Variants in KLHL13 observed in about 807,000 individuals in gnomAD.
KLHL13 encodes kelch-like protein 13.
A neutral mutation model predicts 37.1 loss-of-function variants in KLHL13; 10 were observed. The observed-to-expected ratio is 0.27, with a 90% CI of 0.17 to 0.46. KLHL13 has a LOEUF of 0.46. Among genes scored for constraint, KLHL13 ranks in the 20% least tolerant of loss-of-function variants. KLHL13 has a pLI of 1.00. For synonymous variants in KLHL13, 163 were observed against 181.2 expected, an observed-to-expected ratio of 0.90 and a Z score of 0.81; for missense variants, 360 against 509.3, an observed-to-expected ratio of 0.71 and a Z score of 2.82.
At chrX:117,979,984 C>T (rs1220788182) in intron 1 of KLHL13, among the ~76,000 whole-genome samples, 1 of 111,704 alleles carries the variant, frequency 9.0e-6, no homozygotes, top group Non-Finnish European at 1.9e-5. Flanking sequence ...AAATAAAAAG[C>T]CACTTAAAAT....
chrX:118,073,037 C>CCCTG (rs1388126305), intron 1 of KLHL13, among the ~76,000 whole-genome samples: 1 of 108,253 alleles, frequency 9.2e-6, no homozygotes, highest in Non-Finnish European at 1.9e-5. Context: ...AAGGCTTCAG[C>CCCTG]GAACCAAGAC....
chrX:117,962,463 C>A (rs1219451656), intron 1 of KLHL13, among the ~76,000 whole-genome samples: 1 of 110,393 alleles, frequency 9.1e-6, no homozygotes, highest in African/African-American at 3.3e-5. Flanking sequence ...CAGCTAATTA[C>A]CATGGGTGGG....
chrX:117,908,990 G>C (rs1930780922), intron 5 of KLHL13, among the ~76,000 whole-genome samples: 1 of 111,466 alleles, frequency 9.0e-6, no homozygotes, highest in Non-Finnish European at 1.9e-5. Flanking sequence ...TTCTATCCAA[G>C]ACCTTATTAT....
chrX:118,078,022 T>C (rs2054945855), intron 1 of KLHL13, among the ~76,000 whole-genome samples: 1 of 112,357 alleles, frequency 8.9e-6, no homozygotes, highest in Admixed American at 9.5e-5. Flanking sequence ...GCTCTTACTC[T>C]TTCTGCAATT....
At chrX:117,901,858 C>T (rs145022698) in exon 6 of KLHL13, 120 of 1,173,911 alleles carry the variant, frequency 1.0e-4, no homozygotes, top group Non-Finnish European at 1.3e-4. Flanking sequence ...CTCCTCCATA[C>T]ACAGTTCCAG....
At chrX:117,898,944 T>A in exon 7 of KLHL13, 1 of 1,209,859 alleles carries the variant, frequency 8.3e-7, no homozygotes, top group African/African-American at 1.7e-5. Context: ...TAGAAGGTGA[T>A]GGTGTGGTTT....
chrX:117,993,737 CTTTT>C (rs754543852), intron 1 of KLHL13, among the ~76,000 whole-genome samples: 1 of 94,391 alleles, frequency 1.1e-5, no homozygotes. Context: ...TTATCTGTTG[CTTTT>C]TTTTTTTTTT....
chrX:117,972,969 G>A (rs41312749), exon 1 of KLHL13: 207,489 of 1,070,950 alleles, frequency 0.19, 14,561 homozygotes, highest in East Asian at 0.3. Context: ...CCCTTAAACC[G>A]ATGCTTCCAA....
intron 1 of KLHL13, among the ~76,000 whole-genome samples, chrX:117,949,219 AG>A (rs1933466761): frequency 8.9e-6 from 1 of 112,489 alleles, no homozygotes; most frequent in East Asian, 2.8e-4. Context: ...CAAAATTGCT[AG>A]TGCAAACATG....
intron 1 of KLHL13, among the ~76,000 whole-genome samples, chrX:118,025,120 T>C (rs780836102): frequency 8.9e-6 from 1 of 111,797 alleles, no homozygotes; most frequent in South Asian, 3.7e-4. Flanking sequence ...TCACCCAACA[T>C]GGCCACATAT....
intron 1 of KLHL13, among the ~76,000 whole-genome samples, chrX:118,089,924 T>A (rs190084167): frequency 9.2e-6 from 1 of 109,124 alleles, no homozygotes; most frequent in African/African-American, 3.3e-5. Flanking sequence ...ACTAAAAATA[T>A]ACAAATATTA....
intron 1 of KLHL13, among the ~76,000 whole-genome samples, chrX:118,075,970 T>A (rs905325128): frequency 5.4e-5 from 6 of 111,911 alleles, no homozygotes. Context: ...AGACAGTTTT[T>A]TTTTAAGTAA....
chrX:118,024,695 C>G lies in KLHL13; in HGVS notation c.-55-79120G>C, dbSNP rs763769552. 2.1e-4 allele frequency among the ~76,000 whole-genome samples: 23 copies of G among 112,032 alleles called. No homozygotes were observed. The South Asian group carries it at 7.9e-3, about 38-fold the overall frequency. On this transcript the variant is annotated intron_variant, in intron 1 of 6. Coordinates refer to the KLHL13 transcript ENST00000371882. ...AAAACCATAATGAGGAAGTACTACACACCCACAGAATGGCTAAAATTAAAG... is the reference window on the plus strand; with the variant it reads ...AAAACCATAATGAGGAAGTACTACAGACCCACAGAATGGCTAAAATTAAAG...
intron 1 of KLHL13, among the ~76,000 whole-genome samples, chrX:118,089,543 C>A (rs760268511): frequency 2.0e-5 from 2 of 99,911 alleles, no homozygotes; most frequent in East Asian, 6.4e-4. Flanking sequence ...CAGAAAGTTT[C>A]ATTCATAGGG....
chrX:118,053,846 A>AGGG (rs1569304270), intron 1 of KLHL13, among the ~76,000 whole-genome samples: 1 of 27,952 alleles, frequency 3.6e-5, no homozygotes, highest in Non-Finnish European at 5.3e-5. Flanking sequence ...AGAGAGAGAG[A>AGGG]GAGGAGAGAG....
intron 1 of KLHL13, among the ~76,000 whole-genome samples, chrX:117,949,210 A>C (rs748213585): frequency 7.1e-5 from 8 of 112,531 alleles, no homozygotes; most frequent in Non-Finnish European, 1.1e-4. Flanking sequence ...ATATACTCTC[A>C]AAATTGCTAG....
At chrX:118,084,156 CAA>C (rs201226351) in intron 1 of KLHL13, among the ~76,000 whole-genome samples, 3 of 80,695 alleles carry the variant, frequency 3.7e-5, no homozygotes, top group Non-Finnish European at 2.5e-5. Flanking sequence ...TCTGTCTCTA[CAA>C]AAAAAAAAAA....
In KLHL13 at chrX:118,101,650, C is replaced by T. The variant is rs762654001; in HGVS notation, c.-56+14858G>A. 4.5e-5 allele frequency among the ~76,000 whole-genome samples: 5 copies of T among 111,334 alleles called. No homozygotes were observed. In the South Asian group the frequency reaches 1.9e-3, roughly 43 times the overall value. On this transcript the variant is annotated intron_variant, in intron 1 of 6. Transcript: ENST00000371882. ...GATATCGTTTGGCTCTGTGTCCCCA[C>T]CCAAATCTCATCTCAATTTATAATC...
chrX:118,003,726 A>T (rs2053951001), intron 1 of KLHL13, among the ~76,000 whole-genome samples: 1 of 110,914 alleles, frequency 9.0e-6, no homozygotes, highest in Admixed American at 9.7e-5. Context: ...ATAGAAAGTA[A>T]ATATCCAGTA....
Sources: gnomAD v4.1 joint callset for allele counts (sites outside exome capture counted in the v4.1 genomes callset) on GRCh38, gnomAD v4.1.1 for gene constraint, MANE v1.5 for transcripts, NCBI Gene and HGNC (gene_info 2026-07-23, HGNC 2026-07-21) for gene names.